The following PCSK5 variants were observed in gnomAD, a reference collection of about 807,000 sequenced individuals.
PCSK5 encodes prohormone convertase 5.
A neutral mutation model predicts 233.2 loss-of-function variants in PCSK5; 129 were observed. That is an observed-to-expected ratio of 0.55 (90% CI 0.48 to 0.64). The LOEUF (loss-of-function observed/expected upper bound fraction) is 0.64, where lower values mean the gene tolerates loss of function less well. PCSK5 is among the 30% of genes least tolerant of loss of function. The pLI is 0.00. For synonymous variants in PCSK5, 825 were observed against 879.2 expected, an observed-to-expected ratio of 0.94 and a Z score of 1.09; for missense variants, 2,076 against 2,430.1, an observed-to-expected ratio of 0.85 and a Z score of 3.06.
intron 7 of PCSK5, 64 bp from the exon 8 acceptor site, chr9:76,095,826 G>C: frequency 1.4e-6 from 2 of 1,468,624 alleles, no homozygotes; most frequent in South Asian, 2.3e-5. Flanking sequence ...TGGCTCAGTG[G>C]ATTCTGACCT....
At chr9:76,145,479 C>A (rs527484123) in intron 10 of PCSK5, among the ~76,000 whole-genome samples, 1 of 152,166 alleles carries the variant, frequency 6.6e-6, no homozygotes, top group East Asian at 1.9e-4. Context: ...CACCTCCCCC[C>A]CAGCTCATTT....
intron 14 of PCSK5, among the ~76,000 whole-genome samples, chr9:76,178,526 C>G (rs1823716652): frequency 6.6e-6 from 1 of 152,168 alleles, no homozygotes; most frequent in Non-Finnish European, 1.5e-5. Flanking sequence ...CCAGATTTTT[C>G]TCTAAGTCAT....
intron 10 of PCSK5, among the ~76,000 whole-genome samples, chr9:76,139,413 A>G (rs1416658664): frequency 6.6e-6 from 1 of 152,130 alleles, no homozygotes; most frequent in African/African-American, 2.4e-5. Context: ...AAAGCTACAT[A>G]AGGCACTTTA....
intron 2 of PCSK5, among the ~76,000 whole-genome samples, chr9:75,948,384 C>T (rs1054740977): frequency 7.1e-6 from 1 of 140,906 alleles, no homozygotes; most frequent in Non-Finnish European, 1.5e-5. Flanking sequence ...TTGTTCACCT[C>T]CCACCTATGA....
At position 76,354,107 on chromosome 9, in the gene PCSK5, C is replaced by T; in HGVS notation, c.5142C>T (p.Thr1714=). 1 of 1,606,486 alleles carries T rather than the reference C, an allele frequency of 6.2e-7. No individual in the cohort carries two copies. Among genetic ancestry groups the T allele is most frequent in the Non-Finnish European group, 8.5e-7 (1 of 1,177,100 alleles). The change falls in exon 37 of 38, where the codon ACC becomes ACT. Residue 1714 remains threonine (T), a synonymous_variant. Transcript: ENST00000674117. The stretch of plus-strand genomic sequence containing the variant: ...AGGGACCAGGGGCCAAGAACTGCAC[C>T]TTGTGCCCTGCCAACCTGGTGCTGC... ...ECKGPGAKNC[T]LCPANLVLHM...
chr9:76,338,389 T>C lies in PCSK5; in HGVS notation c.4908T>C (p.Tyr1636=), dbSNP rs754249599. Residue 1636 remains tyrosine (Y), a synonymous_variant, in exon 35 of 38, where the codon TAT becomes TAC. Coordinates refer to ENST00000674117, the MANE Select transcript of PCSK5 (RefSeq NM_001372043.1). ...ECHRSCPDHY[Y]VEQSTQTCER... ...ATCGCTCCTGCCCAGACCATTACTA[T>C]GTAGAGCAAAGCACACAGACCTGTG... The C allele has an allele frequency of 5.6e-6, 9 of 1,612,670 alleles. No individual in the cohort carries two copies. Among genetic ancestry groups the C allele is most frequent in the Non-Finnish European group, 7.6e-6 (9 of 1,179,834 alleles).
chr9:76,148,509 G>A (rs1337594793), intron 10 of PCSK5, among the ~76,000 whole-genome samples: 2 of 151,876 alleles, frequency 1.3e-5, no homozygotes, highest in African/African-American at 2.4e-5. Context: ...ATCCACTACC[G>A]ATCTAGAATC....
intron 2 of PCSK5, among the ~76,000 whole-genome samples, chr9:75,937,835 A>G (rs966170271): frequency 6.6e-6 from 1 of 152,148 alleles, no homozygotes; most frequent in African/African-American, 2.4e-5. Flanking sequence ...AACCTCATGA[A>G]CCAACCCCTG....
chr9:76,066,968 C>A (rs556678384), intron 5 of PCSK5, among the ~76,000 whole-genome samples: 38 of 152,308 alleles, frequency 2.5e-4, no homozygotes, highest in Middle Eastern at 6.8e-3. Context: ...CATTTAACTT[C>A]ATTAGCAATG....
At chr9:76,132,114 T>A (rs1319222233) in intron 9 of PCSK5, among the ~76,000 whole-genome samples, 1 of 152,106 alleles carries the variant, frequency 6.6e-6, no homozygotes, top group Non-Finnish European at 1.5e-5. Context: ...CTAGAACATC[T>A]TATGTTGAGA....
intron 1 of PCSK5, 32 bp downstream of exon 1, chr9:75,891,405 C>A: frequency 6.6e-7 from 1 of 1,516,126 alleles, no homozygotes; most frequent in Non-Finnish European, 8.8e-7. Flanking sequence ...CAGCCCTCGG[C>A]CCTGAAGCCA....
chr9:76,028,517 C>T (rs1215400279), intron 5 of PCSK5, among the ~76,000 whole-genome samples: 2 of 152,034 alleles, frequency 1.3e-5, no homozygotes, highest in African/African-American at 4.8e-5. Flanking sequence ...TTGCCATCTT[C>T]TGTTCCTGGG....
chr9:75,903,698 C>G (rs1826153686), intron 1 of PCSK5, among the ~76,000 whole-genome samples: 1 of 149,342 alleles, frequency 6.7e-6, no homozygotes, highest in South Asian at 2.1e-4. Flanking sequence ...CTGAGAAGCT[C>G]TTACAGCTGT....
At chr9:76,090,627 GCTA>G (rs1831246861) in intron 7 of PCSK5, among the ~76,000 whole-genome samples, 1 of 152,144 alleles carries the variant, frequency 6.6e-6, no homozygotes. Context: ...ATTAGCCTGG[GCTA>G]CTGTAACAAA....
intron 12 of PCSK5, among the ~76,000 whole-genome samples, chr9:76,163,380 A>G (rs139351219): frequency 1.6e-3 from 251 of 152,320 alleles, no homozygotes; most frequent in African/African-American, 5.5e-3. Context: ...AGTTTCCCCA[A>G]GCATCTGCAG....
chr9:76,316,227 G>C (rs546261604), intron 30 of PCSK5, among the ~76,000 whole-genome samples: 1 of 152,138 alleles, frequency 6.6e-6, no homozygotes, highest in East Asian at 1.9e-4. Context: ...AAGTTTACAA[G>C]ATGTGGCTGG....
At chr9:76,177,250 T>C (rs1823653186) in intron 14 of PCSK5, among the ~76,000 whole-genome samples, 1 of 151,700 alleles carries the variant, frequency 6.6e-6, no homozygotes, top group African/African-American at 2.4e-5. Flanking sequence ...GCCGGGATCG[T>C]GCCACTTCAC....
chr9:76,262,624 A>G (rs1587815632), intron 24 of PCSK5, among the ~76,000 whole-genome samples: 1 of 151,356 alleles, frequency 6.6e-6, no homozygotes, highest in East Asian at 1.9e-4. Context: ...ACAAAAATCA[A>G]TTCAAGATGG....
At chr9:76,124,745 C>CAA (rs58659276) in intron 9 of PCSK5, among the ~76,000 whole-genome samples, 39 of 92,052 alleles carry the variant, frequency 4.2e-4, no homozygotes, top group Non-Finnish European at 5.0e-4. Context: ...GACTCCATCT[C>CAA]AAAAAAAAAA....
Sources: allele counts gnomAD v4.1 joint callset (sites outside exome capture counted in the v4.1 genomes callset), GRCh38; gene constraint gnomAD v4.1.1; transcripts MANE v1.5; gene names NCBI Gene and HGNC (gene_info 2026-07-23, HGNC 2026-07-21).